USO1: variants seen among roughly 807,000 people sequenced by gnomAD.
The protein encoded by USO1 is general vesicular transport factor p115.
Under a neutral mutation model 124.5 loss-of-function variants are expected in USO1, and 57 were observed. That is an observed-to-expected ratio of 0.46 (90% confidence interval 0.37 to 0.57). The LOEUF (loss-of-function observed/expected upper bound fraction) is 0.57. USO1 is among the 20% of genes least tolerant of loss of function. USO1 has a pLI of 0.00. For synonymous variants in USO1, 369 were observed against 362.8 expected (o/e 1.02, Z -0.19); for missense variants, 900 against 1,040.6 (o/e 0.86, Z 1.86).
chr4:75,804,023 A>G (rs1052514333), intron 17 of USO1, 111 bp from the exon 18 acceptor site: 1 of 1,377,154 alleles, frequency 7.3e-7, no homozygotes, highest in Non-Finnish European at 9.6e-7. Context: ...TGGAAGTGTT[A>G]AGCACTTTAG....
rs57465783 is a variant in USO1 at position 75,728,218 on chromosome 4, G to GT, written c.66+3344dup. The stretch of plus-strand genomic sequence containing the variant: ...TACTAAATGCTTTGACTGCTTTCTT[G>GT]TTTTTTTTTTTCTTATTGAATTTAA... On this transcript the variant is annotated intron_variant, in intron 1 of 23. Transcript: ENST00000514213. 8.9e-3 allele frequency among the ~76,000 whole-genome samples: 1,295 copies of GT among 146,050 alleles called. 17 individuals are homozygous for GT. The highest frequency in any genetic ancestry group is 0.028 in the African/African-American group (1,130 of 40,010).
chr4:75,755,562 C>G (rs62318532), intron 3 of USO1: 2 of 507,690 alleles, frequency 3.9e-6, no homozygotes, highest in African/African-American at 3.9e-5. Flanking sequence ...TTCAGTTATG[C>G]CCAGCTGCTT....
intron 7 of USO1, among the ~76,000 whole-genome samples, chr4:75,771,628 T>C (rs1721936379): frequency 1.3e-5 from 2 of 152,258 alleles, no homozygotes; most frequent in Non-Finnish European, 2.9e-5. Context: ...TTGAACTGTG[T>C]AAACCCAACA....
chr4:75,755,243 A>G (rs1721406305), intron 3 of USO1, among the ~76,000 whole-genome samples: 1 of 152,242 alleles, frequency 6.6e-6, no homozygotes. Flanking sequence ...TACAGCCTAT[A>G]CTTAAGGAGA....
chr4:75,793,555 ACTC>A (rs1409325880), intron 12 of USO1, 132 bp from the exon 13 acceptor site: 5 of 1,168,050 alleles, frequency 4.3e-6, no homozygotes, highest in Admixed American at 2.8e-5. Context: ...ATTTAATACT[ACTC>A]ATTAATACAT....
intron 4 of USO1, among the ~76,000 whole-genome samples, chr4:75,763,490 T>C (rs527240348): frequency 7.9e-5 from 12 of 152,312 alleles, no homozygotes; most frequent in Admixed American, 4.6e-4. Flanking sequence ...GTTAAACATA[T>C]TAAATACATT....
chr4:75,773,314 C>A (rs1721984531), intron 7 of USO1, among the ~76,000 whole-genome samples: 1 of 151,642 alleles, frequency 6.6e-6, no homozygotes, highest in Admixed American at 6.6e-5. Flanking sequence ...TGTTTTATAA[C>A]CTTTTTTTTA....
At chr4:75,794,595 T>G (rs991275108) in intron 13 of USO1, among the ~76,000 whole-genome samples, 1 of 152,224 alleles carries the variant, frequency 6.6e-6, no homozygotes, top group Non-Finnish European at 1.5e-5. Context: ...AACTCTAAAG[T>G]CATTGACGTT....
At chr4:75,746,679 T>C (rs1229749085) in intron 1 of USO1, among the ~76,000 whole-genome samples, 1 of 152,228 alleles carries the variant, frequency 6.6e-6, no homozygotes, top group African/African-American at 2.4e-5. Flanking sequence ...GAGATCACTT[T>C]TTCAGAAACT....
chr4:75,778,053 G>C (rs11097112), intron 8 of USO1, among the ~76,000 whole-genome samples: 83,340 of 151,984 alleles, frequency 0.55, 24,107 homozygotes, highest in East Asian at 0.81. Context: ...AACCATAAAG[G>C]CATATTGCTG....
intron 1 of USO1, among the ~76,000 whole-genome samples, chr4:75,739,654 C>G (rs1334002739): frequency 3.5e-5 from 5 of 142,488 alleles, no homozygotes; most frequent in Non-Finnish European, 7.5e-5. Context: ...TTAAGTGATT[C>G]TCCTGCCTCA....
intron 4 of USO1, among the ~76,000 whole-genome samples, chr4:75,769,423 A>G (rs1182278475): frequency 6.6e-6 from 1 of 152,148 alleles, no homozygotes; most frequent in Non-Finnish European, 1.5e-5. Flanking sequence ...AAACAATTAG[A>G]TGGGATTATG....
chr4:75,801,002 A>G (rs1722834720), intron 16 of USO1, 77 bp from the exon 17 acceptor site: 2 of 1,407,768 alleles, frequency 1.4e-6, no homozygotes, highest in African/African-American at 1.4e-5. Context: ...GTTAGGTTAT[A>G]TGTTTTTACT....
intron 4 of USO1, among the ~76,000 whole-genome samples, chr4:75,761,231 A>G (rs2149161543): frequency 6.6e-6 from 1 of 152,330 alleles, no homozygotes; most frequent in Admixed American, 6.5e-5. Flanking sequence ...TATTTCCTGG[A>G]AAAAAGTTTT....
chr4:75,813,391 C>T lies in USO1; in HGVS notation c.*96C>T, dbSNP rs1723205487. 5 of 1,317,392 alleles carry T rather than the reference C, an allele frequency of 3.8e-6. No individual in the cohort carries two copies. Among genetic ancestry groups the T allele is most frequent in the Non-Finnish European group, 5.0e-6 (5 of 1,004,292 alleles). The allele number at this position is 1,317,392 out of a possible 1,614,324, so 81.6% of individuals were successfully genotyped here. On this transcript the variant is annotated 3_prime_UTR_variant, in exon 24 of 24. Transcript: ENST00000514213. The stretch of plus-strand genomic sequence containing the variant: ...TCCATGGAAAATAAAGATTTAGAAA[C>T]CAGGTGGAAAACATTCACTATTAAG...
At chr4:75,794,539 A>G (rs530024965) in intron 13 of USO1, among the ~76,000 whole-genome samples, 1 of 152,346 alleles carries the variant, frequency 6.6e-6, no homozygotes, top group South Asian at 2.1e-4. Context: ...ATTTCCCCAC[A>G]TGTACCAGCC....
chr4:75,727,891 C>T (rs1296967943), intron 1 of USO1, among the ~76,000 whole-genome samples: 1 of 152,116 alleles, frequency 6.6e-6, no homozygotes, highest in Admixed American at 6.6e-5. Context: ...ATGCTTTTTC[C>T]TTTCTGAGCT....
At chr4:75,780,526 C>T (rs1478308914) in intron 8 of USO1, among the ~76,000 whole-genome samples, 1 of 151,642 alleles carries the variant, frequency 6.6e-6, no homozygotes, top group South Asian at 2.1e-4. Flanking sequence ...CCCACGTGGC[C>T]TCCCAAAGTG....
At chr4:75,770,302 A>G (rs868242353) in intron 4 of USO1, 137 bp from the exon 5 acceptor site, 5 of 644,048 alleles carry the variant, frequency 7.8e-6, no homozygotes, top group Middle Eastern at 4.7e-4. Flanking sequence ...AATAATTGTG[A>G]TATTGCTACC....
Sources: gnomAD v4.1 joint callset for allele counts (sites outside exome capture counted in the v4.1 genomes callset) on GRCh38, gnomAD v4.1.1 for gene constraint, MANE v1.5 for transcripts, NCBI Gene and HGNC (gene_info 2026-07-23, HGNC 2026-07-21) for gene names.